The following PBX3 variants were observed in gnomAD, a reference collection of about 807,000 sequenced individuals.
PBX3 encodes the protein PBX homeobox 3, also known as pre-B-cell leukemia transcription factor 3.
A neutral mutation model predicts 48.5 loss-of-function variants in PBX3; 14 were observed. The observed-to-expected ratio is 0.29, with a 90% confidence interval of 0.19 to 0.45. The LOEUF (loss-of-function observed/expected upper bound fraction) is 0.45. PBX3 is among the 20% of genes least tolerant of loss of function. The pLI, the probability that PBX3 is intolerant of heterozygous loss-of-function variation, is 1.00. For synonymous variants in PBX3, 210 were observed against 200.3 expected, an observed-to-expected ratio of 1.05 and a Z score of -0.41; for missense variants, 386 against 546.7, an observed-to-expected ratio of 0.71 and a Z score of 2.93.
rs943829341 is a variant in PBX3, at chr9:125,943,228, C to T, written c.843+7621C>T. The stretch of plus-strand genomic sequence containing the variant: ...AAAATTAGCCGGGCGTGGTGGCACA[C>T]GCCTGTAGTCCCAGCTACTCGGGAG... On this transcript the variant is annotated intron_variant, in intron 5 of 8. Coordinates refer to ENST00000373489, the MANE Select transcript of PBX3 (RefSeq NM_006195.6). Among the ~76,000 whole-genome samples, 15 of 151,644 alleles carry T rather than the reference C, an allele frequency of 9.9e-5. No individual in the cohort carries two copies. The East Asian group carries it at 1.2e-3, about 12-fold the overall frequency.
At chr9:125,916,256 T>C (rs1342363076) in intron 3 of PBX3, among the ~76,000 whole-genome samples, 2 of 152,188 alleles carry the variant, frequency 1.3e-5, no homozygotes, top group Non-Finnish European at 2.9e-5. Context: ...ATAATTAACA[T>C]TTATGCACTA....
At chr9:125,877,917 C>G (rs1448052297) in intron 2 of PBX3, among the ~76,000 whole-genome samples, 1 of 152,166 alleles carries the variant, frequency 6.6e-6, no homozygotes, top group African/African-American at 2.4e-5. Flanking sequence ...CCCCACCAGT[C>G]CTTTGGTTAT....
intron 2 of PBX3, among the ~76,000 whole-genome samples, chr9:125,868,951 G>GA (rs1396221575): frequency 6.6e-6 from 1 of 151,890 alleles, no homozygotes; most frequent in Non-Finnish European, 1.5e-5. Flanking sequence ...TGAAGAAGCA[G>GA]AAAAAAAGAA....
chr9:125,821,980 A>G (rs1838665641), intron 2 of PBX3, among the ~76,000 whole-genome samples: 1 of 152,010 alleles, frequency 6.6e-6, no homozygotes. Context: ...GTGGTGTAAT[A>G]TATTTTAATT....
intron 2 of PBX3, among the ~76,000 whole-genome samples, chr9:125,805,083 A>G (rs1397756971): frequency 6.6e-6 from 1 of 152,102 alleles, no homozygotes; most frequent in African/African-American, 2.4e-5. Context: ...ATACTAAGTG[A>G]GGCCACTTTA....
chr9:125,796,811 G>C (rs577046821), intron 2 of PBX3, among the ~76,000 whole-genome samples: 1 of 151,954 alleles, frequency 6.6e-6, no homozygotes, highest in Non-Finnish European at 1.5e-5. Flanking sequence ...ATAATACACC[G>C]TAAGGACTAT....
chr9:125,871,504 A>G (rs1342809370), intron 2 of PBX3, among the ~76,000 whole-genome samples: 2 of 152,244 alleles, frequency 1.3e-5, no homozygotes. Flanking sequence ...TTCCACATTC[A>G]AGAACATAAT....
At chr9:125,838,321 A>G (rs563848502) in intron 2 of PBX3, among the ~76,000 whole-genome samples, 1 of 144,974 alleles carries the variant, frequency 6.9e-6, no homozygotes, top group East Asian at 2.1e-4. Context: ...AAGTGCTAAG[A>G]TAACAGTGAT....
intron 2 of PBX3, among the ~76,000 whole-genome samples, chr9:125,803,944 A>G (rs1179966843): frequency 1.3e-5 from 2 of 152,050 alleles, no homozygotes; most frequent in Non-Finnish European, 2.9e-5. Context: ...TAGACTCTAC[A>G]TGTCGTAAAA....
chr9:125,865,144 T>A (rs1350947602), intron 2 of PBX3: 1 of 164,180 alleles, frequency 6.1e-6, no homozygotes, highest in African/African-American at 2.4e-5. Flanking sequence ...TAGAAAGCTC[T>A]GGAATCTTCA....
rs1243494429 is a variant in PBX3, at chr9:125,803,045, A to C, written c.274+54422A>C. Among the ~76,000 whole-genome samples, 3 of 149,468 alleles carry C rather than the reference A, an allele frequency of 2.0e-5. No homozygotes were observed. In the East Asian group the frequency reaches 5.9e-4, roughly 30 times the overall value. On this transcript the variant is annotated intron_variant, in intron 2 of 8. Transcript: ENST00000373489. The stretch of plus-strand genomic sequence containing the variant: ...CATAACACAATTATTAAAATCAGGA[A>C]TTTATTATCTATAGACCTTATTTCA...
At chr9:125,857,086 G>T (rs926167528) in intron 2 of PBX3, among the ~76,000 whole-genome samples, 2 of 152,142 alleles carry the variant, frequency 1.3e-5, no homozygotes, top group African/African-American at 4.8e-5. Flanking sequence ...TAGAGTGCAA[G>T]CATACTGTGT....
intron 2 of PBX3, among the ~76,000 whole-genome samples, chr9:125,818,195 G>A (rs533622350): frequency 1.5e-4 from 22 of 146,114 alleles, no homozygotes; most frequent in Admixed American, 1.2e-3. Context: ...CAAGCCTTTC[G>A]TCTCAAAAAA....
intron 5 of PBX3, among the ~76,000 whole-genome samples, chr9:125,941,374 A>T (rs907010540): frequency 1.3e-5 from 2 of 152,164 alleles, no homozygotes; most frequent in Non-Finnish European, 2.9e-5. Context: ...TCACTGTGAG[A>T]TGGGGAACTG....
In PBX3 at chr9:125,930,907, A is replaced by G. The variant is rs544221975; in HGVS notation, c.707+1062A>G. ...CTCGATACATGCATACTTCACATAT[A>G]CACTCCTTAACCTGACATTTAAGGC... On this transcript the variant is annotated intron_variant, in intron 4 of 8. Coordinates refer to ENST00000373489, the MANE Select transcript of PBX3 (RefSeq NM_006195.6). 2.6e-5 allele frequency among the ~76,000 whole-genome samples: 4 copies of G among 152,268 alleles called. No individual in the cohort carries two copies. In the South Asian group the frequency reaches 8.3e-4, roughly 32 times the overall value.
chr9:125,960,784 C>T lies in PBX3; in HGVS notation c.944C>T (p.Ala315Val). The change falls in exon 6 of 9, where the codon GCT becomes GTT. Residue 315 changes from alanine (A) to valine (V), a missense_variant. Physicochemically the swap from Ala to Val is moderately conservative, Grantham distance 64. This residue lies in a region of PBX3 where 74 missense variants were observed against 206.1 expected (regional missense o/e 0.36). Coordinates refer to ENST00000373489, the MANE Select transcript of PBX3 (RefSeq NM_006195.6). ...TATGCTGCAAAGACGGCCGTGACAG[C>T]TGCACACGCAGTAGCAGCAGCTGTG... ...NLYAAKTAVT[A>V]AHAVAAAVQN... 1 of 1,614,236 alleles carries T rather than the reference C, an allele frequency of 6.2e-7. No homozygotes were observed. Among genetic ancestry groups the T allele is most frequent in the Non-Finnish European group, 8.5e-7 (1 of 1,180,038 alleles).
chr9:125,755,454 C>T (rs1005986774), intron 2 of PBX3, among the ~76,000 whole-genome samples: 1 of 152,068 alleles, frequency 6.6e-6, no homozygotes, highest in African/African-American at 2.4e-5. Flanking sequence ...AACAGTTTTG[C>T]AATGCAAAGT....
At chr9:125,812,032 T>C (rs1838305191) in intron 2 of PBX3, among the ~76,000 whole-genome samples, 1 of 152,222 alleles carries the variant, frequency 6.6e-6, no homozygotes, top group Admixed American at 6.5e-5. Context: ...TTGTCCTTTC[T>C]GCCTTGTGAA....
chr9:125,873,125 C>CA (rs1840167478), intron 2 of PBX3, among the ~76,000 whole-genome samples: 2 of 152,028 alleles, frequency 1.3e-5, no homozygotes, highest in Admixed American at 1.3e-4. Context: ...GCGGAGGTTG[C>CA]AGTGAGCCAA....
Sources: allele counts gnomAD v4.1 joint callset (sites outside exome capture counted in the v4.1 genomes callset), GRCh38; gene constraint gnomAD v4.1.1; regional missense constraint gnomAD v4.1.1; transcripts MANE v1.5; gene names NCBI Gene and HGNC (gene_info 2026-07-23, HGNC 2026-07-21).